Variants in BTBD9 observed in about 807,000 individuals in gnomAD.
The protein encoded by BTBD9 is BTB domain containing 9.
BTBD9 carries 49 observed loss-of-function variants against 64.3 expected under a neutral mutation model. The ratio of observed to expected loss-of-function variants is 0.76; its 90% CI spans 0.61 to 0.97. The LOEUF (loss-of-function observed/expected upper bound fraction) is 0.97. Ranked by LOEUF, BTBD9 falls within the 50% of genes least tolerant of loss-of-function variation. The probability of loss-of-function intolerance (pLI) is 0.00; values close to 1 mark genes in which losing one functional copy is unlikely to be tolerated. For missense variants in BTBD9, 598 were observed against 762.1 expected (o/e 0.78, Z 2.53); for synonymous variants, 260 against 274.7 (o/e 0.95, Z 0.53).
At chr6:38,546,390 T>C (rs772619429) in intron 6 of BTBD9, among the ~76,000 whole-genome samples, 48 of 152,192 alleles carry the variant, frequency 3.2e-4, no homozygotes, top group Non-Finnish European at 5.6e-4. Flanking sequence ...TAAGCCAAAA[T>C]TTCCTGTGAT....
chr6:38,325,204 A>G (rs1222913735), intron 7 of BTBD9, among the ~76,000 whole-genome samples: 1 of 152,196 alleles, frequency 6.6e-6, no homozygotes, highest in East Asian at 1.9e-4. Flanking sequence ...GCCCAATATT[A>G]TAGATTTTAC....
intron 6 of BTBD9, among the ~76,000 whole-genome samples, chr6:38,363,316 G>A (rs916863905): frequency 2.0e-5 from 3 of 152,194 alleles, no homozygotes; most frequent in Non-Finnish European, 2.9e-5. Flanking sequence ...TAAGCCTTTG[G>A]GGAGGCCAAG....
In BTBD9 at chr6:38,400,013, C is replaced by T. The variant is rs188287579; in HGVS notation, c.1155-54920G>A. Among the ~76,000 whole-genome samples, 205 of 151,884 alleles carry T rather than the reference C, an allele frequency of 1.3e-3. 2 individuals are homozygous for T. Among genetic ancestry groups the T allele is most frequent in the African/African-American group, 4.3e-3 (177 of 41,412 alleles). On this transcript the variant is annotated intron_variant, in intron 6 of 10. Coordinates refer to ENST00000481247, the MANE Select transcript of BTBD9 (RefSeq NM_001099272.2). ...CTGACCTCAGGTGATCCGCCCGCCT[C>T]GGCCTCCCAAAGTGCTGGGATTACA... is the stretch of plus-strand genomic sequence containing the variant.
chr6:38,449,021 A>T lies in BTBD9; in HGVS notation c.1155-103928T>A, dbSNP rs1769402257. 5.9e-5 allele frequency among the ~76,000 whole-genome samples: 9 copies of T among 152,314 alleles called. No individual in the cohort carries two copies. In the South Asian group the frequency reaches 1.9e-3, roughly 32 times the overall value. ...GCTACACTTTACAAAGGTCATAAAA[A>T]AACTGGAATGCACTCAGAGGCAAGT... is the stretch of plus-strand genomic sequence containing the variant. On this transcript the variant is annotated intron_variant, in intron 6 of 10. Transcript: ENST00000481247.
intron 8 of BTBD9, among the ~76,000 whole-genome samples, chr6:38,285,227 TGCAAC>T (rs1196920452): frequency 6.6e-6 from 1 of 152,122 alleles, no homozygotes; most frequent in African/African-American, 2.4e-5. Flanking sequence ...ACAACTATTG[TGCAAC>T]TATGGTAATG....
rs151041476 is a variant in BTBD9, at chr6:38,508,204, AC to A, written c.1154+69395del. On this transcript the variant is annotated intron_variant, in intron 6 of 10. Coordinates refer to ENST00000481247, the MANE Select transcript of BTBD9 (RefSeq NM_001099272.2). ...AATTTGCTCAAATATCTAGTTGACA[AC>A]TCTATTTAGATGTCTTTTTGCCACT... Among the ~76,000 whole-genome samples, 1,068 of 151,048 alleles carry A rather than the reference AC, an allele frequency of 7.1e-3. 8 individuals are homozygous for A. Among genetic ancestry groups the A allele is most frequent in the African/African-American group, 0.025 (1,008 of 41,094 alleles).
Position 38,171,934 on chromosome 6 carries a change from G to A in BTBD9, c.*3051C>T. 6.7e-6 allele frequency: 1 copy of A among 149,718 alleles called. No homozygotes were observed. The highest frequency in any genetic ancestry group is 2.1e-4 in the South Asian group (1 of 4,708). 9.3% of individuals were successfully genotyped at this position (149,718 alleles called of 1,614,324 possible). On this transcript the variant is annotated 3_prime_UTR_variant, in exon 11 of 11. Transcript: ENST00000481247. Reference sequence around the variant, plus strand: ...ATGAAAAGTGAAGGGTGGGGGTGCTGGCCACCTCCCATTTCTTTGCCTGGG... The same window carrying A: ...ATGAAAAGTGAAGGGTGGGGGTGCTAGCCACCTCCCATTTCTTTGCCTGGG...
At chr6:38,556,340 T>C (rs1775010120) in intron 6 of BTBD9, among the ~76,000 whole-genome samples, 3 of 152,128 alleles carry the variant, frequency 2.0e-5, no homozygotes, top group Admixed American at 2.0e-4. Context: ...TCACTAACTA[T>C]AACAGCAAAA....
intron 8 of BTBD9, among the ~76,000 whole-genome samples, chr6:38,287,108 ATACACAC>A (rs1761763916): frequency 9.2e-6 from 1 of 109,164 alleles, no homozygotes; most frequent in African/African-American, 3.8e-5. Flanking sequence ...AAAAAAAAAT[ATACACAC>A]ACACACACAC....
At chr6:38,244,026 A>T (rs1561918939) in intron 9 of BTBD9, among the ~76,000 whole-genome samples, 1 of 152,114 alleles carries the variant, frequency 6.6e-6, no homozygotes. Context: ...ATTATAATTT[A>T]GTAAACTGAG....
intron 10 of BTBD9, among the ~76,000 whole-genome samples, chr6:38,190,397 C>G (rs6938410): frequency 0.56 from 82,010 of 147,582 alleles, 23,430 homozygotes; most frequent in Non-Finnish European, 0.63. Flanking sequence ...TGGACGCAGG[C>G]GGCAGAAGTT....
At chr6:38,422,420 C>T (rs887347550) in intron 6 of BTBD9, among the ~76,000 whole-genome samples, 1 of 151,998 alleles carries the variant, frequency 6.6e-6, no homozygotes, top group Non-Finnish European at 1.5e-5. Context: ...GATTAAATTC[C>T]ACTAAAAACA....
rs1400100940 is a variant in BTBD9 at position 38,172,378 on chromosome 6, C to T, written c.*2607G>A. ...GGCTGCCCGGGGACTTTCTGGTAGCCACTCACTTGTCCCTGTTCCCTGGAG... is the reference window on the plus strand; with the variant it reads ...GGCTGCCCGGGGACTTTCTGGTAGCTACTCACTTGTCCCTGTTCCCTGGAG... On this transcript the variant is annotated 3_prime_UTR_variant, in exon 11 of 11. Transcript: ENST00000481247. 1 of 152,422 alleles carries T rather than the reference C, an allele frequency of 6.6e-6. No individual in the cohort carries two copies. Among genetic ancestry groups the T allele is most frequent in the Non-Finnish European group, 1.5e-5 (1 of 68,180 alleles). The allele number at this position is 152,422 out of a possible 1,614,324, so 9.4% of individuals were successfully genotyped here. A position where few individuals can be genotyped will look rare whatever the true frequency, so the allele number is the denominator to read the frequency against.
intron 6 of BTBD9, among the ~76,000 whole-genome samples, chr6:38,486,938 G>T (rs1365041945): frequency 2.0e-5 from 3 of 152,200 alleles, no homozygotes. Context: ...CAGATAGTTG[G>T]TAAATGACCA....
intron 6 of BTBD9, among the ~76,000 whole-genome samples, chr6:38,357,588 G>T (rs1039571658): frequency 2.0e-5 from 3 of 152,148 alleles, no homozygotes. Flanking sequence ...CATCCCTTTG[G>T]TTATTCCTGT....
At chr6:38,425,174 G>A (rs1436515324) in intron 6 of BTBD9, among the ~76,000 whole-genome samples, 3 of 142,960 alleles carry the variant, frequency 2.1e-5, no homozygotes. Context: ...GTGCAGTGGC[G>A]TGATCTCAGC....
At chr6:38,616,630 A>C (rs1339292070) in intron 1 of BTBD9, among the ~76,000 whole-genome samples, 1 of 152,118 alleles carries the variant, frequency 6.6e-6, no homozygotes, top group Admixed American at 6.6e-5. Flanking sequence ...TGCTCTGTAA[A>C]ATGCACGAAT....
chr6:38,328,968 A>ATGTGTGTGTGTGTGTG (rs70981541), intron 7 of BTBD9, among the ~76,000 whole-genome samples: 1 of 127,318 alleles, frequency 7.9e-6, no homozygotes, highest in African/African-American at 3.0e-5. Context: ...GAAAGAAAAT[A>ATGTGTGTGTGTGTGTG]TGTGTGTGTG....
chr6:38,358,521 G>A (rs939358697), intron 6 of BTBD9, among the ~76,000 whole-genome samples: 2 of 152,118 alleles, frequency 1.3e-5, no homozygotes. Context: ...GGAGGGGAAG[G>A]AAAAACAAAT....
Sources: allele counts gnomAD v4.1 joint callset (sites outside exome capture counted in the v4.1 genomes callset), GRCh38; gene constraint gnomAD v4.1.1; transcripts MANE v1.5; gene names NCBI Gene and HGNC (gene_info 2026-07-23, HGNC 2026-07-21).